RNF38: variants seen among roughly 807,000 people sequenced by gnomAD.
RNF38 encodes E3 ubiquitin-protein ligase RNF38.
A neutral mutation model predicts 67.2 loss-of-function variants in RNF38; 15 were observed. That is an observed-to-expected ratio of 0.22 (90% CI 0.15 to 0.34). The LOEUF is 0.34. Among genes scored for constraint, RNF38 ranks in the 10% least tolerant of loss-of-function variants. The pLI is 1.00. For missense variants in RNF38, 524 were observed against 639.9 expected (o/e 0.82, Z 1.95); for synonymous variants, 220 against 218.8 (o/e 1.01, Z -0.05).
At chr9:36,477,561 C>T (rs1840149113) in intron 1 of RNF38, among the ~76,000 whole-genome samples, 1 of 151,892 alleles carries the variant, frequency 6.6e-6, no homozygotes, top group African/African-American at 2.4e-5. Context: ...GTGGCTCACA[C>T]CTGTAATCCC....
At chr9:36,458,674 T>C (rs1028442231) in intron 1 of RNF38, among the ~76,000 whole-genome samples, 5 of 151,492 alleles carry the variant, frequency 3.3e-5, no homozygotes, top group Non-Finnish European at 7.4e-5. Context: ...CATCTGAACA[T>C]CTGGAGGAAC....
At chr9:36,470,049 C>T (rs1290640118) in intron 1 of RNF38, among the ~76,000 whole-genome samples, 4 of 152,130 alleles carry the variant, frequency 2.6e-5, no homozygotes, top group South Asian at 2.1e-4. Context: ...TGATTCTCCT[C>T]GGTTGTTTCT....
At chr9:36,469,262 CAG>C (rs1839938523) in intron 1 of RNF38, among the ~76,000 whole-genome samples, 1 of 152,118 alleles carries the variant, frequency 6.6e-6, no homozygotes, top group Admixed American at 6.5e-5. Context: ...CAGTAAAATA[CAG>C]AGAAGTGTTT....
chr9:36,437,273 C>T (rs1166888416), intron 1 of RNF38, among the ~76,000 whole-genome samples: 1 of 152,200 alleles, frequency 6.6e-6, no homozygotes, highest in Non-Finnish European at 1.5e-5. Flanking sequence ...ACATATCTTA[C>T]AATTAAAATA....
chr9:36,369,194 C>A (rs1464175600), intron 4 of RNF38, among the ~76,000 whole-genome samples: 1 of 152,178 alleles, frequency 6.6e-6, no homozygotes, highest in African/African-American at 2.4e-5. Flanking sequence ...TCAATAATTT[C>A]AAATCAAGCA....
intron 1 of RNF38, among the ~76,000 whole-genome samples, chr9:36,444,011 T>C (rs1839250592): frequency 6.6e-6 from 1 of 152,078 alleles, no homozygotes; most frequent in African/African-American, 2.4e-5. Flanking sequence ...CACAGGAAAA[T>C]GGACACCGAA....
upstream of RNF38, chr9:36,401,088 C>T (rs1472858969): frequency 1.0e-6 from 1 of 985,040 alleles, no homozygotes; most frequent in Non-Finnish European, 1.2e-6. Flanking sequence ...GTCCCCTCGC[C>T]AGCACAAACC....
Position 36,337,577 on chromosome 9 carries a change from G to T in RNF38, c.*2175C>A, listed in dbSNP as rs1435745013. On this transcript the variant is annotated 3_prime_UTR_variant, in exon 12 of 12. Coordinates refer to ENST00000259605, the MANE Select transcript of RNF38 (RefSeq NM_022781.5). ...ATGAATACTGAGTGTCGTAGTGTTAGATCTGTACAGATATAAATTTTTTGC... is the reference window on the plus strand; with the variant it reads ...ATGAATACTGAGTGTCGTAGTGTTATATCTGTACAGATATAAATTTTTTGC... The T allele has an allele frequency of 6.6e-6, 1 of 152,564 alleles. No homozygotes were observed. The highest frequency in any genetic ancestry group is 1.5e-5 in the Non-Finnish European group (1 of 68,034). 9.5% of individuals were successfully genotyped at this position (152,564 alleles called of 1,614,324 possible).
chr9:36,389,080 C>G (rs1055357760), intron 2 of RNF38, among the ~76,000 whole-genome samples: 3 of 152,030 alleles, frequency 2.0e-5, no homozygotes, highest in African/African-American at 7.3e-5. Flanking sequence ...CCTTCTAGAT[C>G]CCCCTCCACC....
At chr9:36,360,437 G>A (rs771633134) in intron 4 of RNF38, among the ~76,000 whole-genome samples, 1 of 152,092 alleles carries the variant, frequency 6.6e-6, no homozygotes, top group Non-Finnish European at 1.5e-5. Flanking sequence ...AAATGCATGG[G>A]ACCAGAAGCA....
chr9:36,430,117 CAA>C (rs1838895139), intron 1 of RNF38, among the ~76,000 whole-genome samples: 2 of 152,222 alleles, frequency 1.3e-5, no homozygotes, highest in South Asian at 4.1e-4. Flanking sequence ...GTGTTTTTAT[CAA>C]GAGGATGGTC....
chr9:36,401,174 C>T, upstream of RNF38: 1 of 984,520 alleles, frequency 1.0e-6, no homozygotes, highest in Non-Finnish European at 1.2e-6. Context: ...GCCGAACCCC[C>T]TTTGTTTCCA....
chr9:36,446,680 C>T (rs879806821), intron 1 of RNF38, among the ~76,000 whole-genome samples: 3 of 151,392 alleles, frequency 2.0e-5, no homozygotes, highest in African/African-American at 2.4e-5. Context: ...TGATGGCCCC[C>T]GCCTGTAATC....
chr9:36,369,963 T>A (rs764858220), intron 3 of RNF38, 31 bp from the exon 4 acceptor site: 1 of 1,554,104 alleles, frequency 6.4e-7, no homozygotes, highest in Non-Finnish European at 8.8e-7. Flanking sequence ...AAAGTCATTA[T>A]GCTTATTGTG....
intron 2 of RNF38, among the ~76,000 whole-genome samples, chr9:36,413,977 A>G (rs1050613287): frequency 1.3e-5 from 2 of 152,336 alleles, no homozygotes; most frequent in African/African-American, 4.8e-5. Flanking sequence ...TTATCATTAC[A>G]TAATGTCCCT....
chr9:36,401,200 G>C, upstream of RNF38: 1 of 948,252 alleles, frequency 1.1e-6, no homozygotes, highest in Non-Finnish European at 1.3e-6. Flanking sequence ...AGGGGGAAGG[G>C]GGCGGGGCGG....
Position 36,339,185 on chromosome 9 carries a change from A to G in RNF38, c.*567T>C, listed in dbSNP as rs2133293602. On this transcript the variant is annotated 3_prime_UTR_variant, in exon 12 of 12. Coordinates refer to ENST00000259605, the MANE Select transcript of RNF38 (RefSeq NM_022781.5). Reference sequence around the variant, plus strand: ...GTACAGTACTAGTGCTGTTTAAATAACACACCAGATTATACATTGCAGCAT... The same window carrying G: ...GTACAGTACTAGTGCTGTTTAAATAGCACACCAGATTATACATTGCAGCAT... The G allele has an allele frequency of 6.5e-6, 1 of 154,020 alleles. No homozygotes were observed. Among genetic ancestry groups the G allele is most frequent in the East Asian group, 1.9e-4 (1 of 5,242 alleles). 9.5% of individuals were successfully genotyped at this position (154,020 alleles called of 1,614,324 possible).
At chr9:36,444,221 A>AT (rs1378141904) in intron 1 of RNF38, among the ~76,000 whole-genome samples, 11 of 152,204 alleles carry the variant, frequency 7.2e-5, no homozygotes, top group Admixed American at 3.9e-4. Flanking sequence ...AAAAGAAGTA[A>AT]TTTTAAAAAA....
chr9:36,395,090 A>C (rs1421795647), intron 1 of RNF38, among the ~76,000 whole-genome samples: 1 of 152,196 alleles, frequency 6.6e-6, no homozygotes, highest in East Asian at 1.9e-4. Flanking sequence ...CTATTTCACA[A>C]AACTAAAGTT....
Sources: gnomAD v4.1 joint callset for allele counts (sites outside exome capture counted in the v4.1 genomes callset) on GRCh38, gnomAD v4.1.1 for gene constraint, MANE v1.5 for transcripts, NCBI Gene and HGNC (gene_info 2026-07-23, HGNC 2026-07-21) for gene names.